Variants in PDS5B observed in about 807,000 individuals in gnomAD.
PDS5B encodes the protein PDS5 cohesin associated factor B, also known as sister chromatid cohesion protein PDS5 homolog B.
PDS5B carries 51 observed loss-of-function variants against 184.1 expected under a neutral mutation model. The ratio of observed to expected loss-of-function variants is 0.28; its 90% confidence interval spans 0.22 to 0.35. The LOEUF is 0.35. PDS5B is among the 10% of genes least tolerant of loss of function. The pLI, the probability that PDS5B is intolerant of heterozygous loss-of-function variation, is 1.00. For missense variants in PDS5B, 1,180 were observed against 1,723.3 expected (o/e 0.68, Z 5.58); for synonymous variants, 566 against 569.2 (o/e 0.99, Z 0.08).
chr13:32,774,837 A>C (rs981163780), intron 34 of PDS5B, among the ~76,000 whole-genome samples, 180 bp from the exon 35 acceptor site: 1 of 152,202 alleles, frequency 6.6e-6, no homozygotes, highest in Non-Finnish European at 1.5e-5. Flanking sequence ...TAAGGGATCA[A>C]ATGTTATAGA....
intron 13 of PDS5B, among the ~76,000 whole-genome samples, chr13:32,692,825 A>G (rs901484393): frequency 1.3e-5 from 2 of 152,046 alleles, no homozygotes; most frequent in African/African-American, 4.8e-5. Flanking sequence ...GGTTAATACA[A>G]TTTTATTAAA....
intron 15 of PDS5B, 46 bp downstream of exon 15, chr13:32,696,948 CA>C (rs1370372180): frequency 3.5e-6 from 4 of 1,139,898 alleles, no homozygotes; most frequent in East Asian, 4.9e-5. Flanking sequence ...TTTATTGGAA[CA>C]TTTTTTATAA....
At chr13:32,613,996 T>C (rs1222630919) in intron 1 of PDS5B, among the ~76,000 whole-genome samples, 1 of 152,240 alleles carries the variant, frequency 6.6e-6, no homozygotes, top group Non-Finnish European at 1.5e-5. Flanking sequence ...AGACTGTTCT[T>C]TTCCCATTAA....
At chr13:32,742,837 T>C in intron 23 of PDS5B, 110 bp downstream of exon 23, 1 of 969,968 alleles carries the variant, frequency 1.0e-6, no homozygotes, top group Non-Finnish European at 1.6e-6. Context: ...TAGAATTGCT[T>C]TGTACATGTG....
At chr13:32,606,463 T>A (rs1361377237) in intron 1 of PDS5B, among the ~76,000 whole-genome samples, 1 of 152,220 alleles carries the variant, frequency 6.6e-6, no homozygotes, top group East Asian at 1.9e-4. Context: ...CTTCCCTTTG[T>A]GGGTAACCAG....
At chr13:32,723,064 T>G (rs2140931000) in intron 19 of PDS5B, among the ~76,000 whole-genome samples, 1 of 152,316 alleles carries the variant, frequency 6.6e-6, no homozygotes, top group East Asian at 1.9e-4. Context: ...TTTTAAAAAT[T>G]TTTAAATCTA....
intron 23 of PDS5B, among the ~76,000 whole-genome samples, chr13:32,744,513 A>G (rs1483014348): frequency 2.0e-5 from 3 of 152,184 alleles, no homozygotes; most frequent in African/African-American, 7.2e-5. Context: ...TTTGGTTTCA[A>G]GAAAAGTTTC....
chr13:32,616,543 G>A (rs1454723913), intron 1 of PDS5B, among the ~76,000 whole-genome samples: 2 of 152,094 alleles, frequency 1.3e-5, no homozygotes, highest in African/African-American at 2.4e-5. Context: ...GGTATTTTCA[G>A]TATTTTGCTA....
chr13:32,640,186 TATTTA>T (rs1419735422), intron 1 of PDS5B, among the ~76,000 whole-genome samples: 3 of 152,236 alleles, frequency 2.0e-5, no homozygotes, highest in Non-Finnish European at 4.4e-5. Context: ...GATTCTCATA[TATTTA>T]ATTAATGATC....
chr13:32,710,153 A>G (rs775200949), intron 19 of PDS5B, 47 bp downstream of exon 19: 1 of 1,257,336 alleles, frequency 8.0e-7, no homozygotes, highest in South Asian at 2.4e-5. Flanking sequence ...CAGAAACATA[A>G]TTATTTCTTG....
At chr13:32,747,326 C>T (rs1953784885) in intron 24 of PDS5B, among the ~76,000 whole-genome samples, 2 of 152,136 alleles carry the variant, frequency 1.3e-5, no homozygotes, top group African/African-American at 4.8e-5. Flanking sequence ...TCTTCCTCCC[C>T]ACCCTTTATT....
intron 19 of PDS5B, among the ~76,000 whole-genome samples, chr13:32,721,650 C>T (rs1354912782): frequency 6.8e-5 from 10 of 146,154 alleles, no homozygotes; most frequent in South Asian, 2.2e-4. Context: ...ACGGGGCGGC[C>T]GGGCAGAGGC....
rs1178632521 is a variant in PDS5B at position 32,753,308 on chromosome 13, T to C, written c.2737-24T>C. On this transcript the variant is annotated intron_variant, in intron 24 of 34. Coordinates refer to ENST00000315596, the MANE Select transcript of PDS5B (RefSeq NM_015032.4). ...ACTCTTTGCTGCCATTTGAATAATATCTGGAATAATTGTGTCTTTACAGGA... is the reference window on the plus strand; with the variant it reads ...ACTCTTTGCTGCCATTTGAATAATACCTGGAATAATTGTGTCTTTACAGGA... The C allele has an allele frequency of 4.4e-6, 7 of 1,579,616 alleles. No individual in the cohort carries two copies. The East Asian group carries it at 6.8e-5, about 15-fold the overall frequency.
At chr13:32,664,579 C>G (rs542554059) in intron 6 of PDS5B, among the ~76,000 whole-genome samples, 3 of 152,026 alleles carry the variant, frequency 2.0e-5, no homozygotes, top group Non-Finnish European at 4.4e-5. Flanking sequence ...AAATAGAAAC[C>G]GAGGCCAGGC....
intron 24 of PDS5B, 88 bp downstream of exon 24, chr13:32,746,188 C>G: frequency 9.1e-7 from 1 of 1,098,110 alleles, no homozygotes. Context: ...AGATTAAAAT[C>G]TTGAATGTGT....
At chr13:32,718,705 T>C (rs1235803424) in intron 19 of PDS5B, among the ~76,000 whole-genome samples, 1 of 152,234 alleles carries the variant, frequency 6.6e-6, no homozygotes, top group East Asian at 1.9e-4. Context: ...CTTTCATTTT[T>C]CTTGGAAAAT....
chr13:32,634,809 C>T (rs558211082), intron 1 of PDS5B, among the ~76,000 whole-genome samples: 1 of 152,144 alleles, frequency 6.6e-6, no homozygotes, highest in Admixed American at 6.5e-5. Context: ...TCTCTAACTC[C>T]TGACCTTGTG....
At chr13:32,716,841 T>G (rs1321841538) in intron 19 of PDS5B, among the ~76,000 whole-genome samples, 1 of 83,786 alleles carries the variant, frequency 1.2e-5, no homozygotes, top group Non-Finnish European at 2.8e-5. Context: ...GGGAGGGAGG[T>G]TGGGGGGTCA....
At chr13:32,770,808 A>C in intron 33 of PDS5B, 47 bp downstream of exon 33, 2 of 1,387,310 alleles carry the variant, frequency 1.4e-6, no homozygotes, top group Non-Finnish European at 1.0e-6. Context: ...ATTATTTTGC[A>C]AAAGTTCCTA....
Sources: allele counts gnomAD v4.1 joint callset (sites outside exome capture counted in the v4.1 genomes callset), GRCh38; gene constraint gnomAD v4.1.1; transcripts MANE v1.5; gene names NCBI Gene and HGNC (gene_info 2026-07-23, HGNC 2026-07-21).